The following MAMDC2 variants were observed in gnomAD, a reference collection of about 807,000 sequenced individuals.
MAMDC2 encodes MAM domain-containing protein 2.
Under a neutral mutation model 89.8 loss-of-function variants are expected in MAMDC2, and 57 were observed. The observed-to-expected ratio is 0.63, with a 90% CI of 0.51 to 0.79. MAMDC2 has a LOEUF of 0.79. MAMDC2 is among the 30% of genes least tolerant of loss of function. The pLI is 0.00. For synonymous variants in MAMDC2, 313 were observed against 293.4 expected (o/e 1.07, Z -0.68); for missense variants, 800 against 820.6 (o/e 0.97, Z 0.31).
chr9:70,099,462 C>T (rs1278317328), intron 2 of MAMDC2, among the ~76,000 whole-genome samples: 1 of 152,120 alleles, frequency 6.6e-6, no homozygotes, highest in Non-Finnish European at 1.5e-5. Flanking sequence ...ATCTTCTCTC[C>T]ACGATAGAAA....
intron 2 of MAMDC2, among the ~76,000 whole-genome samples, chr9:70,101,284 A>G (rs1828186365): frequency 6.6e-6 from 1 of 152,218 alleles, no homozygotes; most frequent in Admixed American, 6.5e-5. Flanking sequence ...CATAAGAGTC[A>G]AATGTTAAAA....
intron 9 of MAMDC2, among the ~76,000 whole-genome samples, chr9:70,166,270 T>TACACACACAC (rs1372969228): frequency 1.1e-4 from 4 of 35,140 alleles, no homozygotes; most frequent in East Asian, 5.0e-3. Context: ...GAAATATATA[T>TACACACACAC]ATATATACAC....
At chr9:70,088,383 G>T (rs1827818354) in intron 2 of MAMDC2, 1 of 152,054 alleles carries the variant, frequency 6.6e-6, no homozygotes, top group African/African-American at 2.4e-5. Flanking sequence ...TATTTTAGGA[G>T]GCTGGCTGCT....
At chr9:70,216,957 T>C (rs2033458473) in intron 11 of MAMDC2, among the ~76,000 whole-genome samples, 1 of 152,190 alleles carries the variant, frequency 6.6e-6, no homozygotes, top group African/African-American at 2.4e-5. Context: ...CAGCTACCAA[T>C]GTGAAATCAC....
intron 2 of MAMDC2, chr9:70,062,810 T>C (rs1827179112): frequency 6.6e-6 from 1 of 152,238 alleles, no homozygotes; most frequent in Admixed American, 6.5e-5. Flanking sequence ...GTACTCTATA[T>C]AAACAGGCAC....
At chr9:70,128,745 C>T (rs2030673296) in intron 6 of MAMDC2, among the ~76,000 whole-genome samples, 1 of 152,160 alleles carries the variant, frequency 6.6e-6, no homozygotes, top group African/African-American at 2.4e-5. Flanking sequence ...CAACCTCTGC[C>T]TCCCAGGTTC....
At chr9:70,120,940 G>A (rs576118294) in intron 5 of MAMDC2, among the ~76,000 whole-genome samples, 1 of 152,316 alleles carries the variant, frequency 6.6e-6, no homozygotes, top group South Asian at 2.1e-4. Context: ...CAGCAGACCA[G>A]TGGGTATTTC....
At chr9:70,184,941 T>C (rs73448663) in intron 11 of MAMDC2, among the ~76,000 whole-genome samples, 1,678 of 152,310 alleles carry the variant, frequency 0.011, 22 homozygotes, top group African/African-American at 0.037. Context: ...GTTCTGATCA[T>C]TTAGAGAAGA....
At chr9:70,102,317 C>A (rs564333614) in intron 2 of MAMDC2, among the ~76,000 whole-genome samples, 1 of 152,184 alleles carries the variant, frequency 6.6e-6, no homozygotes, top group East Asian at 1.9e-4. Flanking sequence ...ACACAGTCAC[C>A]CCAGCATGAT....
chr9:70,205,570 T>G (rs554481696), intron 11 of MAMDC2, among the ~76,000 whole-genome samples: 1 of 152,228 alleles, frequency 6.6e-6, no homozygotes, highest in African/African-American at 2.4e-5. Context: ...TGCTTCACAG[T>G]CCAGAATTAT....
In MAMDC2 at chr9:70,047,844, T is replaced by C. The variant is rs75879505; in HGVS notation, c.148+3147T>C. Reference sequence around the variant, plus strand: ...GTCTCCTTGTCTCTAAATATCCCCTTTGCTGCCTGAAATAGTTTCTGAGGT... The same window carrying C: ...GTCTCCTTGTCTCTAAATATCCCCTCTGCTGCCTGAAATAGTTTCTGAGGT... On this transcript the variant is annotated intron_variant, in intron 2 of 13. Transcript: ENST00000377182. 3.4e-3 allele frequency among the ~76,000 whole-genome samples: 514 copies of C among 152,332 alleles called. 4 individuals are homozygous for C. Among genetic ancestry groups the C allele is most frequent in the Non-Finnish European group, 2.8e-3 (193 of 68,032 alleles).
rs528444924 is a variant in MAMDC2, at chr9:70,170,355, G to C, written c.1499-124G>C. 6.5e-4 allele frequency: 730 copies of C among 1,114,836 alleles called. 3 individuals are homozygous for C. The highest frequency in any genetic ancestry group is 2.8e-3 in the Middle Eastern group (9 of 3,188). 69.1% of individuals were successfully genotyped at this position (1,114,836 alleles called of 1,614,324 possible). The stretch of plus-strand genomic sequence containing the variant: ...GGCTCCGTGTAGGTGGGCCACCAGT[G>C]GGGGCTGCCTCTCCATCGCATGGCA... On this transcript the variant is annotated intron_variant, in intron 10 of 13. Transcript: ENST00000377182.
At chr9:70,203,261 AATC>A in intron 11 of MAMDC2, among the ~76,000 whole-genome samples, 1 of 152,178 alleles carries the variant, frequency 6.6e-6, no homozygotes, top group East Asian at 1.9e-4. Flanking sequence ...ATGGTGACAA[AATC>A]GGTCAGCATT....
chr9:70,048,909 G>A (rs2997659), intron 2 of MAMDC2, among the ~76,000 whole-genome samples: 10,049 of 152,190 alleles, frequency 0.066, 1,055 homozygotes, highest in African/African-American at 0.22. Flanking sequence ...ACTCTGTGAG[G>A]AAGCCACTTG....
chr9:70,147,756 A>C lies in MAMDC2; in HGVS notation c.1404+3937A>C, dbSNP rs1267983348. Reference sequence around the variant, plus strand: ...TAAGCCTTCTGTGTTTGCTTATTGCATGATTTCCCTATGAGGGCGCCCTTG... The same window carrying C: ...TAAGCCTTCTGTGTTTGCTTATTGCCTGATTTCCCTATGAGGGCGCCCTTG... On this transcript the variant is annotated intron_variant, in intron 9 of 13. Coordinates refer to ENST00000377182, the MANE Select transcript of MAMDC2 (RefSeq NM_153267.5). Among the ~76,000 whole-genome samples the C allele has an allele frequency of 2.0e-5, 3 of 150,434 alleles. 1 individual carries two copies. The highest frequency in any genetic ancestry group is 4.4e-5 in the Non-Finnish European group (3 of 67,572).
intron 5 of MAMDC2, among the ~76,000 whole-genome samples, chr9:70,122,905 T>C (rs1033247784): frequency 2.0e-5 from 3 of 152,154 alleles, no homozygotes; most frequent in African/African-American, 4.8e-5. Flanking sequence ...AAGGGCCCCA[T>C]GGCAGACAGA....
intron 7 of MAMDC2, among the ~76,000 whole-genome samples, chr9:70,135,544 T>C (rs557863822): frequency 3.3e-5 from 5 of 152,332 alleles, no homozygotes; most frequent in South Asian, 4.1e-4. Flanking sequence ...CAAAATATTA[T>C]AATCCCATCA....
At chr9:70,127,594 A>G (rs912272301) in intron 6 of MAMDC2, among the ~76,000 whole-genome samples, 5 of 151,900 alleles carry the variant, frequency 3.3e-5, no homozygotes, top group African/African-American at 1.2e-4. Context: ...GCTGCAGAGA[A>G]CAGGGTTAGG....
chr9:70,186,365 G>A (rs1444670480), intron 11 of MAMDC2, among the ~76,000 whole-genome samples: 1 of 151,352 alleles, frequency 6.6e-6, no homozygotes, highest in Admixed American at 6.6e-5. Flanking sequence ...TTCAGTTTTT[G>A]TTTGTCTGGG....
Sources: allele counts gnomAD v4.1 joint callset (sites outside exome capture counted in the v4.1 genomes callset), GRCh38; gene constraint gnomAD v4.1.1; transcripts MANE v1.5; gene names NCBI Gene and HGNC (gene_info 2026-07-23, HGNC 2026-07-21).